Variants in PITPNC1 observed in about 807,000 individuals in gnomAD.
The protein encoded by PITPNC1 is phosphatidylinositol transfer protein cytoplasmic 1, also known as cytoplasmic phosphatidylinositol transfer protein 1.
A neutral mutation model predicts 44.7 loss-of-function variants in PITPNC1; 18 were observed. The observed-to-expected ratio is 0.40, with a 90% CI of 0.28 to 0.60. The LOEUF is 0.60. Among genes scored for constraint, PITPNC1 ranks in the 20% least tolerant of loss-of-function variants. The pLI is 0.39. For synonymous variants in PITPNC1, 141 were observed against 149.6 expected (o/e 0.94, Z 0.42); for missense variants, 290 against 418.4 (o/e 0.69, Z 2.68).
chr17:67,487,760 G>GTC (rs1008107706), intron 1 of PITPNC1, among the ~76,000 whole-genome samples: 7 of 152,166 alleles, frequency 4.6e-5, no homozygotes, highest in Non-Finnish European at 8.8e-5. Flanking sequence ...GGGGGCCACT[G>GTC]GTCTGAGGGT....
At chr17:67,514,207 G>T (rs539697574) in intron 1 of PITPNC1, among the ~76,000 whole-genome samples, 2 of 151,916 alleles carry the variant, frequency 1.3e-5, no homozygotes, top group African/African-American at 4.8e-5. Context: ...TTTTGTTTTT[G>T]TTTTTGTTTT....
intron 1 of PITPNC1, among the ~76,000 whole-genome samples, chr17:67,523,363 G>T (rs2144111727): frequency 6.6e-6 from 1 of 152,304 alleles, no homozygotes; most frequent in South Asian, 2.1e-4. Flanking sequence ...GGAACCCGCA[G>T]CATAACAGGG....
intron 2 of PITPNC1, among the ~76,000 whole-genome samples, chr17:67,535,754 C>T (rs925075308): frequency 9.2e-5 from 14 of 152,078 alleles, no homozygotes; most frequent in African/African-American, 2.4e-4. Context: ...GGAAATCCTC[C>T]GAGGCTAGAA....
At chr17:67,615,872 C>T (rs2041751350) in intron 5 of PITPNC1, among the ~76,000 whole-genome samples, 1 of 152,098 alleles carries the variant, frequency 6.6e-6, no homozygotes, top group Non-Finnish European at 1.5e-5. Flanking sequence ...TCTACATGTG[C>T]ACATGTGAAG....
At chr17:67,413,549 C>G (rs1486908430) in intron 1 of PITPNC1, among the ~76,000 whole-genome samples, 1 of 152,000 alleles carries the variant, frequency 6.6e-6, no homozygotes, top group Non-Finnish European at 1.5e-5. Flanking sequence ...GTGCCCGGGC[C>G]CTGAGGCCTC....
intron 1 of PITPNC1, among the ~76,000 whole-genome samples, chr17:67,388,312 C>T (rs987233046): frequency 2.7e-5 from 4 of 148,734 alleles, no homozygotes; most frequent in African/African-American, 5.0e-5. Flanking sequence ...TATTAGTTTT[C>T]GTTTCTTTTT....
At chr17:67,616,006 C>T (rs2041753337) in intron 5 of PITPNC1, among the ~76,000 whole-genome samples, 1 of 152,188 alleles carries the variant, frequency 6.6e-6, no homozygotes, top group African/African-American at 2.4e-5. Flanking sequence ...ATTGTTGCAG[C>T]TGCCCTGGGA....
chr17:67,428,549 A>AG (rs1567986168), intron 1 of PITPNC1, among the ~76,000 whole-genome samples: 1 of 151,640 alleles, frequency 6.6e-6, no homozygotes, highest in Non-Finnish European at 1.5e-5. Context: ...AAAAAAAAAA[A>AG]AAAGAAAGAA....
At chr17:67,427,889 T>C (rs970814411) in intron 1 of PITPNC1, among the ~76,000 whole-genome samples, 6 of 152,372 alleles carry the variant, frequency 3.9e-5, no homozygotes, top group African/African-American at 1.4e-4. Flanking sequence ...GATTGATGGA[T>C]ACCTAAGTGT....
intron 6 of PITPNC1, among the ~76,000 whole-genome samples, chr17:67,657,679 C>T (rs2042288248): frequency 6.6e-6 from 1 of 150,708 alleles, no homozygotes; most frequent in African/African-American, 2.5e-5. Context: ...CAGCATACTT[C>T]TCATTTCTAT....
At chr17:67,536,005 A>G (rs2040522383) in intron 2 of PITPNC1, among the ~76,000 whole-genome samples, 1 of 152,242 alleles carries the variant, frequency 6.6e-6, no homozygotes, top group South Asian at 2.1e-4. Flanking sequence ...TGAGACTCAT[A>G]TTGAAAGAAC....
At chr17:67,651,833 A>T (rs1490849221) in intron 6 of PITPNC1, among the ~76,000 whole-genome samples, 1 of 152,162 alleles carries the variant, frequency 6.6e-6, no homozygotes, top group Non-Finnish European at 1.5e-5. Flanking sequence ...CTGCTTTGAA[A>T]GCTCCTTGGT....
chr17:67,399,464 C>T (rs1307441063), intron 1 of PITPNC1, among the ~76,000 whole-genome samples: 5 of 152,150 alleles, frequency 3.3e-5, no homozygotes, highest in Admixed American at 1.3e-4. Flanking sequence ...GGGGCAAATG[C>T]GTTGTTGATG....
intron 1 of PITPNC1, among the ~76,000 whole-genome samples, chr17:67,439,700 A>C (rs1333977474): frequency 6.6e-6 from 1 of 152,198 alleles, no homozygotes; most frequent in Non-Finnish European, 1.5e-5. Context: ...TGTTAAGCTA[A>C]TTAACATATC....
chr17:67,498,078 C>G (rs752620489), intron 1 of PITPNC1, among the ~76,000 whole-genome samples: 2 of 151,946 alleles, frequency 1.3e-5, no homozygotes, highest in Admixed American at 1.3e-4. Context: ...CCATGTTAGC[C>G]AGGCTGGTCT....
At chr17:67,645,590 G>A (rs531905181) in intron 6 of PITPNC1, among the ~76,000 whole-genome samples, 1 of 152,214 alleles carries the variant, frequency 6.6e-6, no homozygotes, top group African/African-American at 2.4e-5. Context: ...GAGGAGGGAT[G>A]CAGGGGGGTT....
At chr17:67,645,654 C>T (rs2042140847) in intron 6 of PITPNC1, among the ~76,000 whole-genome samples, 1 of 152,168 alleles carries the variant, frequency 6.6e-6, no homozygotes, top group African/African-American at 2.4e-5. Flanking sequence ...GAGGTCAGTG[C>T]CTTTGAATTT....
chr17:67,630,040 A>G (rs1468821610), intron 5 of PITPNC1, among the ~76,000 whole-genome samples: 2 of 152,218 alleles, frequency 1.3e-5, no homozygotes, highest in African/African-American at 4.8e-5. Context: ...AAGCATTTAG[A>G]AAGGACTAAT....
rs769651650 is a variant in PITPNC1 at position 67,669,670 on chromosome 17, G to T, written c.618+7G>T. ...GGAACAATTTGTACACAAGGTAAGT[G>T]GTCCAACAGCAGTTCCTGGGCTGTG... On this transcript the variant is annotated splice_region_variant and intron_variant, in intron 7 of 8. Coordinates refer to ENST00000581322, the MANE Select transcript of PITPNC1 (RefSeq NM_012417.4). The T allele has an allele frequency of 3.2e-6, 5 of 1,581,044 alleles. No individual in the cohort carries two copies. The Admixed American group carries it at 7.3e-5, about 23-fold the overall frequency.
Sources: gnomAD v4.1 joint callset for allele counts (sites outside exome capture counted in the v4.1 genomes callset) on GRCh38, gnomAD v4.1.1 for gene constraint, MANE v1.5 for transcripts, NCBI Gene and HGNC (gene_info 2026-07-23, HGNC 2026-07-21) for gene names.